Variants in TSPAN2 observed in about 807,000 individuals in gnomAD.
The protein encoded by TSPAN2 is tetraspanin-2.
TSPAN2 carries 24 observed loss-of-function variants against 33.3 expected under a neutral mutation model. The observed-to-expected ratio is 0.72, with a 90% CI of 0.52 to 1.01. The LOEUF is 1.01. Ranked by LOEUF, TSPAN2 falls within the 50% of genes least tolerant of loss-of-function variation. TSPAN2 has a pLI of 0.00. For missense variants in TSPAN2, 278 were observed against 281.3 expected, an observed-to-expected ratio of 0.99 and a Z score of 0.08; for synonymous variants, 114 against 104.5, an observed-to-expected ratio of 1.09 and a Z score of -0.56.
intron 4 of TSPAN2, among the ~76,000 whole-genome samples, 199 bp downstream of exon 4, chr1:115,060,265 C>T (rs1647661474): frequency 6.6e-6 from 1 of 151,952 alleles, no homozygotes; most frequent in African/African-American, 2.4e-5. Flanking sequence ...TGAACTATCT[C>T]CCCAGAAAAA....
intron 1 of TSPAN2, among the ~76,000 whole-genome samples, chr1:115,087,838 A>G (rs964811717): frequency 7.9e-5 from 12 of 152,202 alleles, no homozygotes; most frequent in East Asian, 1.9e-4. Context: ...AAAACATTCA[A>G]TGAATCCTTC....
At position 115,050,441 on chromosome 1, in the gene TSPAN2, G is replaced by A; in HGVS notation, c.*49C>T. 1 of 1,517,190 alleles carries A rather than the reference G, an allele frequency of 6.6e-7. No individual in the cohort carries two copies. Among genetic ancestry groups the A allele is most frequent in the Non-Finnish European group, 9.2e-7 (1 of 1,092,230 alleles). The allele number at this position is 1,517,190 out of a possible 1,614,324, so 94.0% of individuals were successfully genotyped here. A position where few individuals can be genotyped will look rare whatever the true frequency, so the allele number is the denominator to read the frequency against. ...AAATGAGCTGGGAGACAGCTCCTGT[G>A]ACATTTGGTATGAAAGCTTTAGATT... On this transcript the variant is annotated 3_prime_UTR_variant, in exon 8 of 8. Transcript: ENST00000369516.
chr1:115,076,465 G>A lies in TSPAN2; in HGVS notation c.70-3458C>T, dbSNP rs912792730. Among the ~76,000 whole-genome samples, 3 of 152,268 alleles carry A rather than the reference G, an allele frequency of 2.0e-5. No homozygotes were observed. The South Asian group carries it at 6.2e-4, about 32-fold the overall frequency. ...TTACCTGGAGGTCAGACATAGCAGGGAGCCAAAGGGAAAGGCTTGAATGGC... is the reference window on the plus strand; with the variant it reads ...TTACCTGGAGGTCAGACATAGCAGGAAGCCAAAGGGAAAGGCTTGAATGGC... On this transcript the variant is annotated intron_variant, in intron 1 of 7. Coordinates refer to ENST00000369516, the MANE Select transcript of TSPAN2 (RefSeq NM_005725.6).
At chr1:115,052,722 T>C (rs1179411837) in intron 7 of TSPAN2, among the ~76,000 whole-genome samples, 2 of 152,222 alleles carry the variant, frequency 1.3e-5, no homozygotes, top group African/African-American at 4.8e-5. Context: ...TAATACCATC[T>C]ATGCCATTGC....
intron 7 of TSPAN2, among the ~76,000 whole-genome samples, chr1:115,052,377 C>A (rs1194815111): frequency 6.6e-6 from 1 of 152,186 alleles, no homozygotes; most frequent in Non-Finnish European, 1.5e-5. Context: ...AGACTAAGTG[C>A]CATCTTAGCA....
At chr1:115,073,066 A>G (rs1387561813) in intron 1 of TSPAN2, 59 bp from the exon 2 acceptor site, 4 of 1,446,622 alleles carry the variant, frequency 2.8e-6, no homozygotes, top group Admixed American at 1.7e-5. Flanking sequence ...CACAGATCCG[A>G]GAGCAGGCTC....
intron 2 of TSPAN2, among the ~76,000 whole-genome samples, chr1:115,069,761 A>G (rs1273800680): frequency 6.6e-6 from 1 of 152,222 alleles, no homozygotes; most frequent in Non-Finnish European, 1.5e-5. Context: ...TGACATAATG[A>G]AGAATTCCTC....
intron 1 of TSPAN2, among the ~76,000 whole-genome samples, chr1:115,080,523 C>T (rs1371911209): frequency 3.3e-5 from 5 of 152,166 alleles, no homozygotes; most frequent in Non-Finnish European, 7.4e-5. Context: ...GATCCTCTTG[C>T]CTCAGCCTCC....
chr1:115,059,411 G>T (rs1467671428), intron 4 of TSPAN2, among the ~76,000 whole-genome samples: 1 of 152,194 alleles, frequency 6.6e-6, no homozygotes, highest in Non-Finnish European at 1.5e-5. Context: ...AGTTTTCATG[G>T]ACTAGAAAGA....
chr1:115,069,844 T>C (rs985839686), intron 2 of TSPAN2, among the ~76,000 whole-genome samples: 12 of 152,348 alleles, frequency 7.9e-5, no homozygotes, highest in Middle Eastern at 3.4e-3. Context: ...TAGAGCCAGT[T>C]CAGCCTCTGG....
At chr1:115,053,515 T>C in intron 6 of TSPAN2, 53 bp from the exon 7 acceptor site, 1 of 1,447,842 alleles carries the variant, frequency 6.9e-7, no homozygotes, top group Non-Finnish European at 9.7e-7. Context: ...GTGTCAGTCA[T>C]TATCCTGATC....
intron 2 of TSPAN2, among the ~76,000 whole-genome samples, chr1:115,069,029 C>T (rs1174525445): frequency 6.6e-6 from 1 of 152,188 alleles, no homozygotes; most frequent in Non-Finnish European, 1.5e-5. Flanking sequence ...TTTCCTTATT[C>T]TGCGTGGTGC....
chr1:115,051,019 T>C (rs1444479631), intron 7 of TSPAN2, among the ~76,000 whole-genome samples: 1 of 152,176 alleles, frequency 6.6e-6, no homozygotes, highest in Non-Finnish European at 1.5e-5. Flanking sequence ...CATCCAAAAA[T>C]GGAGTATCAG....
chr1:115,084,670 A>G (rs940263560), intron 1 of TSPAN2, among the ~76,000 whole-genome samples: 2 of 152,214 alleles, frequency 1.3e-5, no homozygotes, highest in African/African-American at 2.4e-5. Context: ...TCCAAAGAAT[A>G]CTTTCTTTAG....
At chr1:115,054,632 C>G (rs539507897) in intron 6 of TSPAN2, among the ~76,000 whole-genome samples, 15 of 152,032 alleles carry the variant, frequency 9.9e-5, no homozygotes, top group Middle Eastern at 3.4e-3. Flanking sequence ...CTGTAGGTAG[C>G]AAGCACACTC....
At chr1:115,058,799 T>G in intron 5 of TSPAN2, 84 bp downstream of exon 5, 1 of 1,218,150 alleles carries the variant, frequency 8.2e-7, no homozygotes, top group African/African-American at 1.5e-5. Context: ...TTATTTTTAT[T>G]TTTAATCCTG....
intron 1 of TSPAN2, among the ~76,000 whole-genome samples, chr1:115,085,850 G>A (rs1432976388): frequency 6.6e-6 from 1 of 152,110 alleles, no homozygotes; most frequent in African/African-American, 2.4e-5. Context: ...CTGGGGGAGA[G>A]GAAGGTCCTT....
intron 1 of TSPAN2, among the ~76,000 whole-genome samples, chr1:115,074,551 C>T (rs1038564992): frequency 2.0e-5 from 3 of 151,974 alleles, no homozygotes; most frequent in Admixed American, 6.6e-5. Context: ...TTCTGAAAGA[C>T]GTCTGCATTT....
chr1:115,064,448 C>A (rs188715229), intron 2 of TSPAN2, among the ~76,000 whole-genome samples: 358 of 152,334 alleles, frequency 2.4e-3, no homozygotes, highest in African/African-American at 8.2e-3. Flanking sequence ...CAGTTTCCCC[C>A]AAAATCTTTA....
Sources: gnomAD v4.1 joint callset for allele counts (sites outside exome capture counted in the v4.1 genomes callset) on GRCh38, gnomAD v4.1.1 for gene constraint, MANE v1.5 for transcripts, NCBI Gene and HGNC (gene_info 2026-07-23, HGNC 2026-07-21) for gene names.